CACUL1: variants seen among roughly 807,000 people sequenced by gnomAD.
CACUL1 encodes the protein CDK2 associated cullin domain 1.
A neutral mutation model predicts 45.2 loss-of-function variants in CACUL1; 13 were observed. The ratio of observed to expected loss-of-function variants is 0.29; its 90% CI spans 0.19 to 0.46. The LOEUF (loss-of-function observed/expected upper bound fraction) is 0.46. CACUL1 is among the 20% of genes least tolerant of loss of function. The pLI is 1.00. For missense variants in CACUL1, 421 were observed against 471.4 expected, an observed-to-expected ratio of 0.89 and a Z score of 0.99; for synonymous variants, 197 against 174.2, an observed-to-expected ratio of 1.13 and a Z score of -1.03.
At chr10:118,745,183 G>C (rs1219318340) in intron 1 of CACUL1, among the ~76,000 whole-genome samples, 2 of 152,088 alleles carry the variant, frequency 1.3e-5, no homozygotes, top group East Asian at 1.9e-4. Context: ...ATAAATCCTA[G>C]AGTAACCCCC....
At chr10:118,749,302 G>T (rs530898794) in intron 1 of CACUL1, among the ~76,000 whole-genome samples, 1 of 152,204 alleles carries the variant, frequency 6.6e-6, no homozygotes, top group African/African-American at 2.4e-5. Flanking sequence ...AGAGGCAGCA[G>T]GGCCAGAGTG....
intron 3 of CACUL1, among the ~76,000 whole-genome samples, chr10:118,712,684 C>A (rs1845500807): frequency 6.6e-6 from 1 of 152,208 alleles, no homozygotes; most frequent in Non-Finnish European, 1.5e-5. Flanking sequence ...AAGGGTAGCT[C>A]CTCTCTGCAG....
At chr10:118,747,553 GACT>G (rs988867474) in intron 1 of CACUL1, among the ~76,000 whole-genome samples, 3 of 84,408 alleles carry the variant, frequency 3.6e-5, no homozygotes, top group Non-Finnish European at 7.6e-5. Context: ...AAAAAAAAAA[GACT>G]ACTTTGGGAT....
intron 1 of CACUL1, among the ~76,000 whole-genome samples, chr10:118,753,234 T>C (rs1370287551): frequency 6.6e-6 from 1 of 152,258 alleles, no homozygotes; most frequent in Non-Finnish European, 1.5e-5. Context: ...GCGTATATAA[T>C]CTTACCAAAC....
intron 3 of CACUL1, among the ~76,000 whole-genome samples, chr10:118,716,402 C>T: frequency 6.6e-6 from 1 of 151,084 alleles, no homozygotes. Flanking sequence ...TCGTCACCAT[C>T]TCTCCCAGGT....
intron 7 of CACUL1, among the ~76,000 whole-genome samples, chr10:118,689,175 A>T (rs1438170508): frequency 6.6e-6 from 1 of 152,236 alleles, no homozygotes; most frequent in Non-Finnish European, 1.5e-5. Flanking sequence ...ATTATTCCTA[A>T]TTAAGGCATT....
At chr10:118,691,866 C>CAA (rs754241223) in intron 6 of CACUL1, among the ~76,000 whole-genome samples, 2,625 of 95,056 alleles carry the variant, frequency 0.028, 166 homozygotes, top group African/African-American at 0.043. Flanking sequence ...GACTCCGTCT[C>CAA]AAAAAAAAAA....
chr10:118,686,437 G>A (rs1006257516), intron 8 of CACUL1, among the ~76,000 whole-genome samples, 161 bp downstream of exon 8: 1 of 152,128 alleles, frequency 6.6e-6, no homozygotes, highest in African/African-American at 2.4e-5. Flanking sequence ...CTACCAGCTG[G>A]AGCTGCCACA....
rs573550741 is a variant in CACUL1, at chr10:118,753,345, G to A, written c.367+1051C>T. Among the ~76,000 whole-genome samples, 47 of 152,320 alleles carry A rather than the reference G, an allele frequency of 3.1e-4. No individual in the cohort carries two copies. The South Asian group carries it at 9.3e-3, about 30-fold the overall frequency. The stretch of plus-strand genomic sequence containing the variant: ...TAAGATTCCGACTATCTGCATCAAG[G>A]CAAATATTTTCTCTGCACAGCTAAC... On this transcript the variant is annotated intron_variant, in intron 1 of 8. Coordinates refer to ENST00000369151, the MANE Select transcript of CACUL1 (RefSeq NM_153810.5).
intron 6 of CACUL1, chr10:118,692,344 A>G (rs1053199852): frequency 9.2e-5 from 14 of 152,328 alleles, no homozygotes; most frequent in African/African-American, 3.4e-4. Flanking sequence ...AAGTCACAAG[A>G]AAACACTTGC....
chr10:118,689,077 A>T (rs1466086382), intron 7 of CACUL1, among the ~76,000 whole-genome samples: 1 of 152,226 alleles, frequency 6.6e-6, no homozygotes, highest in African/African-American at 2.4e-5. Context: ...CTGCTCAGAT[A>T]AGAAGAGGCA....
intron 3 of CACUL1, among the ~76,000 whole-genome samples, chr10:118,711,977 G>A (rs1489795180): frequency 1.3e-5 from 2 of 152,126 alleles, no homozygotes; most frequent in Non-Finnish European, 2.9e-5. Context: ...AGGCCCCATT[G>A]GGGAAACTGT....
At chr10:118,748,198 G>A (rs1845863045) in intron 1 of CACUL1, among the ~76,000 whole-genome samples, 1 of 152,178 alleles carries the variant, frequency 6.6e-6, no homozygotes, top group African/African-American at 2.4e-5. Context: ...TGGGCCTCAC[G>A]CACTCCGACA....
chr10:118,723,987 T>G lies in CACUL1; in HGVS notation c.597+5308A>C, dbSNP rs533917542. On this transcript the variant is annotated intron_variant, in intron 3 of 8. Transcript: ENST00000369151. ...TCACCATCTTGGCCAGGCTGGTCTT[T>G]AACTCCTGACCTTGTGATCTGCCCT... is the stretch of plus-strand genomic sequence containing the variant. Among the ~76,000 whole-genome samples, 5 of 152,188 alleles carry G rather than the reference T, an allele frequency of 3.3e-5. No homozygotes were observed. In the South Asian group the frequency reaches 1.0e-3, roughly 32 times the overall value.
intron 5 of CACUL1, among the ~76,000 whole-genome samples, chr10:118,698,433 C>T (rs11198564): frequency 0.042 from 6,344 of 152,190 alleles, 187 homozygotes; most frequent in African/African-American, 0.067. Context: ...TGTGAGCCAT[C>T]GCGCCCAGCC....
At chr10:118,687,762 C>G (rs1242082045) in intron 7 of CACUL1, among the ~76,000 whole-genome samples, 1 of 152,222 alleles carries the variant, frequency 6.6e-6, no homozygotes, top group Non-Finnish European at 1.5e-5. Flanking sequence ...GGCTCACTGG[C>G]TGTCCCTTGC....
At chr10:118,701,127 G>A (rs1845375773) in intron 5 of CACUL1, among the ~76,000 whole-genome samples, 179 bp downstream of exon 5, 1 of 152,076 alleles carries the variant, frequency 6.6e-6, no homozygotes, top group Admixed American at 6.6e-5. Flanking sequence ...CTCACCGGGT[G>A]ACCTTCAAGT....
intron 1 of CACUL1, among the ~76,000 whole-genome samples, chr10:118,740,273 A>AATATTT (rs1845779991): frequency 6.6e-6 from 1 of 152,250 alleles, no homozygotes; most frequent in East Asian, 1.9e-4. Flanking sequence ...CCCTTCCGTG[A>AATATTT]ATATTTACAT....
At chr10:118,738,892 T>TAAAAAAAAAAA (rs150393133) in intron 1 of CACUL1, among the ~76,000 whole-genome samples, 2 of 62,258 alleles carry the variant, frequency 3.2e-5, no homozygotes, top group African/African-American at 1.2e-4. Context: ...CAAGTGCTCT[T>TAAAAAAAAAAA]AAAAAAAAAA....
Sources: allele counts gnomAD v4.1 joint callset (sites outside exome capture counted in the v4.1 genomes callset), GRCh38; gene constraint gnomAD v4.1.1; transcripts MANE v1.5; gene names NCBI Gene and HGNC (gene_info 2026-07-23, HGNC 2026-07-21).